Variants in ACO1 observed in about 807,000 individuals in gnomAD.
ACO1 encodes cytoplasmic aconitate hydratase.
ACO1 carries 78 observed loss-of-function variants against 105.1 expected under a neutral mutation model. The observed-to-expected ratio is 0.74, with a 90% CI of 0.62 to 0.90. The LOEUF (loss-of-function observed/expected upper bound fraction) is 0.90. Among genes scored for constraint, ACO1 ranks in the 40% least tolerant of loss-of-function variants. The probability of loss-of-function intolerance (pLI) is 0.00; values close to 1 mark genes in which losing one functional copy is unlikely to be tolerated. For synonymous variants in ACO1, 364 were observed against 397.4 expected (o/e 0.92, Z 1.00); for missense variants, 965 against 1,111.1 (o/e 0.87, Z 1.87).
rs184851782 is a variant in ACO1, at chr9:32,406,240, G to A, written c.97+637G>A. Among the ~76,000 whole-genome samples, 151 of 152,302 alleles carry A rather than the reference G, an allele frequency of 9.9e-4. 3 individuals carry two copies. Among genetic ancestry groups the A allele is most frequent in the Non-Finnish European group, 7.3e-4 (50 of 68,032 alleles). The stretch of plus-strand genomic sequence containing the variant: ...TGGTCTTAATTACAATAATTGTAAA[G>A]GGGTTATTTTCTCATTTCTTGAGCA... On this transcript the variant is annotated intron_variant, in intron 2 of 20. Coordinates refer to ENST00000309951, the MANE Select transcript of ACO1 (RefSeq NM_002197.3).
At chr9:32,426,811 C>T (rs929556638) in intron 11 of ACO1, among the ~76,000 whole-genome samples, 8 of 152,180 alleles carry the variant, frequency 5.3e-5, no homozygotes, top group Admixed American at 2.0e-4. Flanking sequence ...CTGTATCTGC[C>T]AAAGTCCAGC....
rs1394948342 is a variant in ACO1 at position 32,420,887 on chromosome 9, T to C, written c.830T>C (p.Phe277Ser). 6.2e-7 allele frequency: 1 copy of C among 1,613,880 alleles called. No individual in the cohort carries two copies. The highest frequency in any genetic ancestry group is 8.5e-7 in the Non-Finnish European group (1 of 1,179,828). The part of the protein sequence containing the change: ...HLRQVGVVGK[F>S]VEFFGPGVAQ... ...CGCCAGGTTGGGGTAGTGGGCAAAT[T>C]TGTCGAGTTCTTCGGGCCTGGAGTA... is the stretch of plus-strand genomic sequence containing the variant. Residue 277 changes from phenylalanine to serine, a missense_variant, in exon 8 of 21, where the codon TTT (phenylalanine) becomes TCT (serine). Phe to Ser is a radical substitution (Grantham distance 155). Coordinates refer to ENST00000309951, the MANE Select transcript of ACO1 (RefSeq NM_002197.3).
At chr9:32,392,361 G>A (rs986914628) in intron 1 of ACO1, among the ~76,000 whole-genome samples, 6 of 152,138 alleles carry the variant, frequency 3.9e-5, no homozygotes, top group East Asian at 1.9e-4. Context: ...AAATGGGATG[G>A]TGATGCCCTT....
intron 1 of ACO1, among the ~76,000 whole-genome samples, chr9:32,403,119 G>A (rs1356068969): frequency 6.6e-6 from 1 of 152,306 alleles, no homozygotes; most frequent in African/African-American, 2.4e-5. Flanking sequence ...GTCAGAACAG[G>A]GTGGCTGCAC....
intron 17 of ACO1, 97 bp from the exon 18 acceptor site, chr9:32,436,153 G>A (rs1421679406): frequency 1.6e-5 from 24 of 1,494,890 alleles, no homozygotes; most frequent in Non-Finnish European, 2.0e-5. Flanking sequence ...CCAGGTCTAT[G>A]TTTTGTTTTG....
At chr9:32,449,188 C>G (rs1442512804) in intron 20 of ACO1, 107 bp downstream of exon 20, 1 of 1,060,558 alleles carries the variant, frequency 9.4e-7, no homozygotes, top group African/African-American at 1.6e-5. Flanking sequence ...AAAAATATCA[C>G]TCAGGAGGAC....
chr9:32,397,443 G>T, intron 1 of ACO1, among the ~76,000 whole-genome samples: 1 of 152,186 alleles, frequency 6.6e-6, no homozygotes, highest in South Asian at 2.1e-4. Flanking sequence ...ATAAAACAAA[G>T]AATTAATGTT....
chr9:32,423,195 GGT>G, intron 8 of ACO1, 122 bp from the exon 9 acceptor site: 1 of 545,584 alleles, frequency 1.8e-6, no homozygotes, highest in Middle Eastern at 4.7e-4. Context: ...CAGAGCTGTT[GGT>G]GTGTGTGTAA....
At chr9:32,448,750 C>A in intron 19 of ACO1, 146 bp from the exon 20 acceptor site, 1 of 802,834 alleles carries the variant, frequency 1.2e-6, no homozygotes, top group Non-Finnish European at 2.1e-6. Flanking sequence ...AAATCACTCG[C>A]CTTCTGTGTC....
In ACO1 at chr9:32,419,003, T is replaced by A. The variant is rs780726600; in HGVS notation, c.659-35T>A. ...ACCTGAGAGATAGAGTAAGGGGTAA[T>A]GAAGGCATTCTTCCGGTCATGCCGT... On this transcript the variant is annotated intron_variant, in intron 6 of 20. Transcript: ENST00000309951. 1.7e-5 allele frequency: 27 copies of A among 1,543,464 alleles called. No homozygotes were observed. The South Asian group carries it at 3.1e-4, about 18-fold the overall frequency.
At chr9:32,419,355 A>G (rs1821920902) in intron 7 of ACO1, among the ~76,000 whole-genome samples, 178 bp downstream of exon 7, 1 of 152,242 alleles carries the variant, frequency 6.6e-6, no homozygotes, top group Non-Finnish European at 1.5e-5. Flanking sequence ...AGTTTAGATC[A>G]TTATGTTTGT....
At position 32,427,625 on chromosome 9, in the gene ACO1, C is replaced by G. The variant is rs547759046; in HGVS notation, c.1484+189C>G. ...AGAGCCCTCTTGCCCTCTAGGGCAC[C>G]TACCATGAATGGAGTTTGCAGGACT... On this transcript the variant is annotated intron_variant, in intron 12 of 20. Transcript: ENST00000309951. Among the ~76,000 whole-genome samples, 4 of 152,306 alleles carry G rather than the reference C, an allele frequency of 2.6e-5. No homozygotes were observed. The East Asian group carries it at 7.7e-4, about 29-fold the overall frequency.
chr9:32,437,570 AC>A lies in ACO1; in HGVS notation c.2247+1174del, dbSNP rs373467027. Among the ~76,000 whole-genome samples, 480 of 152,322 alleles carry A rather than the reference AC, an allele frequency of 3.2e-3. 6 individuals carry two copies. The highest frequency in any genetic ancestry group is 0.011 in the African/African-American group (437 of 41,566). ...ATAGACATTGGGGGACCCCTAATAA[AC>A]ATCACAGTGTACCACACGCATTTAC... On this transcript the variant is annotated intron_variant, in intron 18 of 20. Transcript: ENST00000309951.
chr9:32,387,072 G>A (rs562345154), intron 1 of ACO1, among the ~76,000 whole-genome samples: 2 of 152,240 alleles, frequency 1.3e-5, no homozygotes, highest in East Asian at 3.9e-4. Flanking sequence ...AAAAACCAAC[G>A]TGTATCACCA....
chr9:32,392,282 T>C (rs778174456), intron 1 of ACO1, among the ~76,000 whole-genome samples: 20 of 152,196 alleles, frequency 1.3e-4, no homozygotes, highest in Non-Finnish European at 2.1e-4. Context: ...GACTTCCAGT[T>C]TGGTCACTTA....
chr9:32,419,639 C>T (rs962883049), intron 7 of ACO1, among the ~76,000 whole-genome samples: 1 of 152,240 alleles, frequency 6.6e-6, no homozygotes, highest in Non-Finnish European at 1.5e-5. Context: ...GCTTTCACTA[C>T]ATGTTTTCCA....
intron 19 of ACO1, among the ~76,000 whole-genome samples, chr9:32,442,163 G>T (rs117535098): frequency 5.9e-5 from 9 of 151,944 alleles, no homozygotes; most frequent in East Asian, 1.9e-4. Flanking sequence ...AAGGAGAAAG[G>T]CCTGGACATT....
At position 32,420,982 on chromosome 9, in the gene ACO1, T is replaced by C; in HGVS notation, c.925T>C (p.Phe309Leu). 1 of 1,613,324 alleles carries C rather than the reference T, an allele frequency of 6.2e-7. No individual in the cohort carries two copies. Among genetic ancestry groups the C allele is most frequent in the Non-Finnish European group, 8.5e-7 (1 of 1,179,502 alleles). Residue 309 changes from phenylalanine to leucine, a missense_variant, in exon 8 of 21, where the codon TTT becomes CTT. Transcript: ENST00000309951. ...TCCAGAGTACGGAGCAACTGCTGCC[T>C]TTTTCCCAGTTGATGAAGTTAGTAT... Reference protein sequence around the residue: ...MCPEYGATAAFFPVDEVSITY... With the variant: ...MCPEYGATAALFPVDEVSITY...
At chr9:32,407,147 C>G in intron 2 of ACO1, 114 bp from the exon 3 acceptor site, 2 of 976,142 alleles carry the variant, frequency 2.0e-6, no homozygotes, top group Admixed American at 4.2e-5. Context: ...TACCCTCTTT[C>G]CTTGTGGAAG....
Sources: gnomAD v4.1 joint callset for allele counts (sites outside exome capture counted in the v4.1 genomes callset) on GRCh38, gnomAD v4.1.1 for gene constraint, MANE v1.5 for transcripts, NCBI Gene and HGNC (gene_info 2026-07-23, HGNC 2026-07-21) for gene names.